The following SMOC1 variants were observed in gnomAD, a reference collection of about 807,000 sequenced individuals.
SMOC1 encodes the protein SPARC related modular calcium binding 1, also known as SPARC-related modular calcium-binding protein 1.
In SMOC1, 22 loss-of-function variants were observed where a neutral mutation model predicts 56.3. The observed-to-expected ratio is 0.39, with a 90% CI of 0.28 to 0.56. The LOEUF (loss-of-function observed/expected upper bound fraction) is 0.56. Ranked by LOEUF, SMOC1 falls within the 20% of genes least tolerant of loss-of-function variation. The pLI is 0.61. For synonymous variants in SMOC1, 193 were observed against 215.0 expected (o/e 0.90, Z 0.89); for missense variants, 509 against 565.4 (o/e 0.90, Z 1.01).
At chr14:69,994,196 C>A in intron 6 of SMOC1, 1 of 651,990 alleles carries the variant, frequency 1.5e-6, no homozygotes, top group Non-Finnish European at 2.8e-6. Flanking sequence ...GCACAGGATG[C>A]CCTGATCGGC....
intron 1 of SMOC1, among the ~76,000 whole-genome samples, chr14:69,938,310 TG>T (rs1368872073): frequency 6.6e-6 from 1 of 152,116 alleles, no homozygotes; most frequent in Admixed American, 6.5e-5. Flanking sequence ...TTATCGTGGG[TG>T]GGCTATGTTG....
intron 5 of SMOC1, among the ~76,000 whole-genome samples, chr14:69,982,236 A>T (rs921506034): frequency 1.3e-5 from 2 of 152,224 alleles, no homozygotes; most frequent in Non-Finnish European, 2.9e-5. Flanking sequence ...ACTTTTCTGC[A>T]TGGGCTTCTG....
At chr14:69,899,836 G>C (rs561299448) in intron 1 of SMOC1, among the ~76,000 whole-genome samples, 6 of 152,172 alleles carry the variant, frequency 3.9e-5, no homozygotes, top group Non-Finnish European at 8.8e-5. Flanking sequence ...TTGAGGTTTA[G>C]ATACCGGTTT....
intron 1 of SMOC1, among the ~76,000 whole-genome samples, chr14:69,908,388 A>G (rs756624514): frequency 1.6e-4 from 24 of 152,192 alleles, no homozygotes; most frequent in Non-Finnish European, 3.4e-4. Context: ...AAAGCTGACT[A>G]TAATATTGCA....
intron 11 of SMOC1, among the ~76,000 whole-genome samples, chr14:70,026,987 AG>A (rs759628027): frequency 2.0e-5 from 3 of 152,120 alleles, no homozygotes; most frequent in Non-Finnish European, 4.4e-5. Flanking sequence ...TAAGAGGAAG[AG>A]GGTATGTAGG....
intron 3 of SMOC1, among the ~76,000 whole-genome samples, chr14:69,964,097 G>T (rs752046437): frequency 3.3e-5 from 5 of 152,230 alleles, no homozygotes; most frequent in Non-Finnish European, 5.9e-5. Context: ...GTCCTCTTCA[G>T]ATTGGCTGGC....
Position 69,953,402 on chromosome 14 carries a change from GCTC to G in SMOC1, c.266-14_266-12del. On this transcript the variant is annotated splice_polypyrimidine_tract_variant and intron_variant, in intron 2 of 11. Coordinates refer to ENST00000361956, the MANE Select transcript of SMOC1 (RefSeq NM_001034852.3). ...CGAATCCAAGTGAAATATGAAATCT[GCTC>G]CTCTCCTCTTTCAGATGCTGGCCAG... 4.3e-6 allele frequency: 7 copies of G among 1,612,218 alleles called. No homozygotes were observed. The highest frequency in any genetic ancestry group is 5.9e-6 in the Non-Finnish European group (7 of 1,178,242).
rs772337939 is a variant in SMOC1, at chr14:69,967,887, C to T, written c.379-7828C>T. 1.1e-3 allele frequency among the ~76,000 whole-genome samples: 169 copies of T among 152,116 alleles called. 8 individuals carry two copies. Among genetic ancestry groups the T allele is most frequent in the Non-Finnish European group, 6.9e-4 (47 of 68,016 alleles). Reference sequence around the variant, plus strand: ...ACTAAAGATGAGGAGAAGATGTGTGCGATAACCTATTCCAAACTGAGGAAA... The same window carrying T: ...ACTAAAGATGAGGAGAAGATGTGTGTGATAACCTATTCCAAACTGAGGAAA... On this transcript the variant is annotated intron_variant, in intron 3 of 11. Coordinates refer to ENST00000361956, the MANE Select transcript of SMOC1 (RefSeq NM_001034852.3).
intron 3 of SMOC1, among the ~76,000 whole-genome samples, chr14:69,955,836 A>G (rs1022459828): frequency 6.6e-6 from 1 of 152,364 alleles, no homozygotes; most frequent in Admixed American, 6.5e-5. Context: ...CAAAGAATTC[A>G]TGTCTGTGGG....
chr14:70,009,097 C>T (rs75529005), intron 7 of SMOC1, among the ~76,000 whole-genome samples: 4,645 of 152,302 alleles, frequency 0.03, 126 homozygotes, highest in Middle Eastern at 0.14. Flanking sequence ...GCCAAGGAGA[C>T]TCTGTTTAGC....
At chr14:69,969,383 C>T (rs568273949) in intron 3 of SMOC1, among the ~76,000 whole-genome samples, 1 of 152,230 alleles carries the variant, frequency 6.6e-6, no homozygotes, top group South Asian at 2.1e-4. Flanking sequence ...GGAAAGGCCT[C>T]AGGAAACTTA....
chr14:70,001,014 G>A (rs1884947981), intron 7 of SMOC1, among the ~76,000 whole-genome samples: 1 of 152,114 alleles, frequency 6.6e-6, no homozygotes, highest in East Asian at 1.9e-4. Context: ...GCAGGGCTGT[G>A]GAAAGAGGTA....
Position 69,953,444 on chromosome 14 carries a change from T to G in SMOC1, c.290T>G (p.Leu97Arg). 9 of 1,614,232 alleles carry G rather than the reference T, an allele frequency of 5.6e-6. No homozygotes were observed. Among genetic ancestry groups the G allele is most frequent in the Non-Finnish European group, 7.6e-6 (9 of 1,180,022 alleles). ...CKDAGQSKCR[L>R]ERAQALEQAK... ...GATGCTGGCCAGAGCAAGTGTCGCC[T>G]GGAGCGGGCTCAAGCCCTGGAGCAA... The change falls in exon 3 of 12, where the codon CTG becomes CGG. Residue 97 changes from leucine to arginine, a missense_variant. Leu to Arg is a moderately radical substitution (Grantham distance 102, BLOSUM62 -2). Coordinates refer to ENST00000361956, the MANE Select transcript of SMOC1 (RefSeq NM_001034852.3).
intron 1 of SMOC1, among the ~76,000 whole-genome samples, chr14:69,903,197 C>T (rs1020325106): frequency 6.3e-4 from 96 of 151,886 alleles, no homozygotes; most frequent in Admixed American, 1.5e-3. Context: ...GGCCACCCAT[C>T]GTCTGAGATG....
intron 3 of SMOC1, among the ~76,000 whole-genome samples, chr14:69,959,913 TTGAGCTA>T (rs1883312625): frequency 2.0e-5 from 3 of 152,156 alleles, no homozygotes; most frequent in Admixed American, 2.0e-4. Context: ...GTGCCTGGGG[TTGAGCTA>T]TGAAGCAGAT....
intron 9 of SMOC1, among the ~76,000 whole-genome samples, chr14:70,012,739 A>T (rs574185127): frequency 1.3e-5 from 2 of 152,228 alleles, no homozygotes; most frequent in Non-Finnish European, 1.5e-5. Context: ...CGTGGTGTAG[A>T]CATGGAAAAG....
At chr14:69,961,640 C>T (rs1883384406) in intron 3 of SMOC1, among the ~76,000 whole-genome samples, 1 of 152,108 alleles carries the variant, frequency 6.6e-6, no homozygotes, top group Non-Finnish European at 1.5e-5. Flanking sequence ...CCTCAGCCTC[C>T]CAAAGGATTA....
intron 1 of SMOC1, among the ~76,000 whole-genome samples, chr14:69,903,647 GT>G (rs1884326517): frequency 6.6e-6 from 1 of 152,276 alleles, no homozygotes; most frequent in Admixed American, 6.5e-5. Flanking sequence ...TCCAGTCAGG[GT>G]TAAATGGATT....
At chr14:69,944,720 A>G (rs746533814) in intron 1 of SMOC1, among the ~76,000 whole-genome samples, 2 of 152,134 alleles carry the variant, frequency 1.3e-5, no homozygotes, top group Non-Finnish European at 2.9e-5. Context: ...AGGCTCATCA[A>G]TCTAGAGTCT....
Sources: allele counts gnomAD v4.1 joint callset (sites outside exome capture counted in the v4.1 genomes callset), GRCh38; gene constraint gnomAD v4.1.1; transcripts MANE v1.5; gene names NCBI Gene and HGNC (gene_info 2026-07-23, HGNC 2026-07-21).